OCIAD1: variants seen among roughly 807,000 people sequenced by gnomAD.
The protein encoded by OCIAD1 is OCIA domain containing 1, also known as OCIA domain-containing protein 1.
A neutral mutation model predicts 38.9 loss-of-function variants in OCIAD1; 29 were observed. The ratio of observed to expected loss-of-function variants is 0.74; its 90% CI spans 0.55 to 1.02. The LOEUF is 1.02. Among genes scored for constraint, OCIAD1 ranks in the 50% least tolerant of loss-of-function variants. OCIAD1 has a pLI of 0.00. For synonymous variants in OCIAD1, 110 were observed against 92.0 expected, an observed-to-expected ratio of 1.20 and a Z score of -1.12; for missense variants, 288 against 289.6, an observed-to-expected ratio of 0.99 and a Z score of 0.04.
chr4:48,809,197 T>A (rs933930442), intron 1 of OCIAD1, among the ~76,000 whole-genome samples: 1 of 152,208 alleles, frequency 6.6e-6, no homozygotes, highest in African/African-American at 2.4e-5. Flanking sequence ...TTGTTTAAAA[T>A]CCATCTATGG....
chr4:48,842,166 A>T (rs1475587313), intron 3 of OCIAD1, among the ~76,000 whole-genome samples: 2 of 152,234 alleles, frequency 1.3e-5, no homozygotes, highest in African/African-American at 4.8e-5. Flanking sequence ...TATCTACCTT[A>T]TAGAAATATG....
At chr4:48,809,030 A>C (rs967127296) in intron 1 of OCIAD1, among the ~76,000 whole-genome samples, 1 of 152,124 alleles carries the variant, frequency 6.6e-6, no homozygotes, top group African/African-American at 2.4e-5. Flanking sequence ...ATTCATCACC[A>C]CTTCAACCAT....
At chr4:48,821,330 G>A (rs778254737) in intron 1 of OCIAD1, among the ~76,000 whole-genome samples, 37 of 152,158 alleles carry the variant, frequency 2.4e-4, no homozygotes, top group Non-Finnish European at 3.5e-4. Flanking sequence ...TGCAGAAAAG[G>A]CCTTTGATAA....
In OCIAD1 at chr4:48,861,192, A is replaced by G. The variant is rs935659077; in HGVS notation, c.*430A>G. ...AATTATTAAAAAGCTTTTTTTCTCC[A>G]GTATTTTCTGTATTATCTTAATGTT... On this transcript the variant is annotated 3_prime_UTR_variant, in exon 9 of 9. Coordinates refer to ENST00000264312, the MANE Select transcript of OCIAD1 (RefSeq NM_017830.4). 4 of 156,778 alleles carry G rather than the reference A, an allele frequency of 2.6e-5. No homozygotes were observed. The highest frequency in any genetic ancestry group is 5.6e-5 in the Non-Finnish European group (4 of 71,398). 9.7% of individuals were successfully genotyped at this position (156,778 alleles called of 1,614,324 possible). A position where few individuals can be genotyped will look rare whatever the true frequency, so the allele number is the denominator to read the frequency against.
chr4:48,832,900 G>T, intron 2 of OCIAD1: 1 of 541,418 alleles, frequency 1.8e-6, no homozygotes, highest in Non-Finnish European at 3.3e-6. Context: ...ACATTAGGTA[G>T]CCAGTCCTGA....
intron 1 of OCIAD1, among the ~76,000 whole-genome samples, chr4:48,809,410 G>A (rs547934111): frequency 3.9e-4 from 60 of 151,982 alleles, no homozygotes; most frequent in Middle Eastern, 3.4e-3. Context: ...AATAATCCCA[G>A]CTACTTAGGG....
At chr4:48,854,756 T>C (rs2109609864) in intron 7 of OCIAD1, among the ~76,000 whole-genome samples, 1 of 152,344 alleles carries the variant, frequency 6.6e-6, no homozygotes, top group South Asian at 2.1e-4. Context: ...GGGCCAGCAG[T>C]GGCCTGCTTT....
intron 4 of OCIAD1, 125 bp downstream of exon 4, chr4:48,842,814 T>C (rs1196645226): frequency 7.1e-6 from 4 of 566,236 alleles, no homozygotes; most frequent in African/African-American, 3.9e-5. Flanking sequence ...TAGAAATTCA[T>C]TGATGAATTT....
upstream of OCIAD1, chr4:48,830,552 C>T (rs1305540228): frequency 1.3e-5 from 2 of 152,126 alleles, no homozygotes; most frequent in Non-Finnish European, 1.5e-5. Context: ...ATTCTAACAA[C>T]CCTATATGTA....
At chr4:48,830,845 C>A (rs1389265024), upstream of OCIAD1, among the ~76,000 whole-genome samples, 1 of 152,146 alleles carries the variant, frequency 6.6e-6, no homozygotes, top group African/African-American at 2.4e-5. Context: ...TCACAACAGC[C>A]CAAAGTCAAG....
chr4:48,845,916 A>G (rs1297468518), intron 4 of OCIAD1, among the ~76,000 whole-genome samples: 1 of 152,244 alleles, frequency 6.6e-6, no homozygotes, highest in African/African-American at 2.4e-5. Flanking sequence ...AACCTTCAAC[A>G]AATCTGTTTG....
chr4:48,815,599 T>C (rs1283735729), intron 1 of OCIAD1, among the ~76,000 whole-genome samples: 2 of 152,212 alleles, frequency 1.3e-5, no homozygotes, highest in South Asian at 2.1e-4. Flanking sequence ...AACAAATATT[T>C]ACTTCTGTGA....
chr4:48,848,133 A>T (rs1381390182), intron 4 of OCIAD1, among the ~76,000 whole-genome samples: 2 of 151,808 alleles, frequency 1.3e-5, no homozygotes, highest in African/African-American at 4.8e-5. Context: ...ACAGTTTTTC[A>T]TACACACACA....
At chr4:48,816,066 T>G (rs1248831135) in intron 1 of OCIAD1, among the ~76,000 whole-genome samples, 1 of 152,226 alleles carries the variant, frequency 6.6e-6, no homozygotes, top group Non-Finnish European at 1.5e-5. Context: ...CTGTCACAAA[T>G]GTATAAAGTG....
intron 7 of OCIAD1, among the ~76,000 whole-genome samples, chr4:48,852,894 T>G (rs1283569622): frequency 6.8e-6 from 1 of 147,872 alleles, no homozygotes; most frequent in African/African-American, 2.5e-5. Flanking sequence ...TTTTTTTTTT[T>G]TTTTTGAGAT....
At position 48,846,891 on chromosome 4, in the gene OCIAD1, C is replaced by G. The variant is rs1381995871; in HGVS notation, c.194-1508C>G. ...CATGTAGTTGCCCTATAGTTTTCCT[C>G]TGTGTGAATACACCAGTTTATCTAT... On this transcript the variant is annotated intron_variant, in intron 4 of 8. Coordinates refer to ENST00000264312, the MANE Select transcript of OCIAD1 (RefSeq NM_017830.4). Among the ~76,000 whole-genome samples, 3 of 152,168 alleles carry G rather than the reference C, an allele frequency of 2.0e-5. No homozygotes were observed. In the East Asian group the frequency reaches 5.8e-4, roughly 29 times the overall value.
At chr4:48,837,326 C>G (rs1778093283) in intron 3 of OCIAD1, 1 of 136,414 alleles carries the variant, frequency 7.3e-6, no homozygotes, top group Non-Finnish European at 1.6e-5. Flanking sequence ...GGGTTTCACT[C>G]TTGTTGCCCA....
At chr4:48,809,458 G>A (rs1056618680) in intron 1 of OCIAD1, among the ~76,000 whole-genome samples, 14 of 152,080 alleles carry the variant, frequency 9.2e-5, no homozygotes, top group African/African-American at 3.4e-4. Flanking sequence ...CCCGGCAGGT[G>A]GAGGTTGCGG....
chr4:48,835,981 A>G (rs1174223831), intron 3 of OCIAD1, among the ~76,000 whole-genome samples: 2 of 152,236 alleles, frequency 1.3e-5, no homozygotes, highest in Admixed American at 1.3e-4. Context: ...ATTGGAACAG[A>G]GGTCTTTCAT....
Sources: gnomAD v4.1 joint callset for allele counts (sites outside exome capture counted in the v4.1 genomes callset) on GRCh38, gnomAD v4.1.1 for gene constraint, MANE v1.5 for transcripts, NCBI Gene and HGNC (gene_info 2026-07-23, HGNC 2026-07-21) for gene names.